PCDH9: variants seen among roughly 807,000 people sequenced by gnomAD.
PCDH9 encodes the protein protocadherin 9, also known as protocadherin-9.
Under a neutral mutation model 70.6 loss-of-function variants are expected in PCDH9, and 24 were observed. The ratio of observed to expected loss-of-function variants is 0.34; its 90% CI spans 0.25 to 0.48. The LOEUF (loss-of-function observed/expected upper bound fraction) is 0.48. PCDH9 is among the 20% of genes least tolerant of loss of function. The pLI is 0.99. For synonymous variants in PCDH9, 562 were observed against 558.5 expected (o/e 1.01, Z -0.09); for missense variants, 1,281 against 1,503.6 (o/e 0.85, Z 2.45).
At position 67,216,477 on chromosome 13, in the gene PCDH9, T is replaced by C. The variant is rs2089604320; in HGVS notation, c.3036+8928A>G. On this transcript the variant is annotated intron_variant, in intron 2 of 4. Coordinates refer to ENST00000377865, the MANE Select transcript of PCDH9 (RefSeq NM_203487.3). ...GAAATTTGAATGGGTTGAGAATGCA[T>C]TGAAATATTATTACTCTATATACCT... 4 of 151,796 alleles carry C rather than the reference T, an allele frequency of 2.6e-5. No individual in the cohort carries two copies. The South Asian group carries it at 6.2e-4, about 24-fold the overall frequency. 9.4% of individuals were successfully genotyped at this position (151,796 alleles called of 1,614,324 possible).
intron 2 of PCDH9, among the ~76,000 whole-genome samples, chr13:66,904,466 T>C (rs1306333998): frequency 1.3e-5 from 2 of 152,058 alleles, no homozygotes; most frequent in Non-Finnish European, 2.9e-5. Flanking sequence ...AACATAACTT[T>C]GTAGGTTTTA....
At chr13:67,166,296 T>C (rs1566468684) in intron 2 of PCDH9, among the ~76,000 whole-genome samples, 1 of 152,214 alleles carries the variant, frequency 6.6e-6, no homozygotes, top group East Asian at 1.9e-4. Flanking sequence ...AAGTCTTTGC[T>C]GTTTTCTCAA....
intron 2 of PCDH9, among the ~76,000 whole-genome samples, chr13:67,147,590 C>T (rs1594576138): frequency 6.6e-6 from 1 of 152,080 alleles, no homozygotes; most frequent in Non-Finnish European, 1.5e-5. Flanking sequence ...GAAAAAGGTG[C>T]CCTATCCAGT....
chr13:66,372,451 A>T (rs1273490191), intron 4 of PCDH9, among the ~76,000 whole-genome samples: 2 of 151,832 alleles, frequency 1.3e-5, no homozygotes, highest in Non-Finnish European at 2.9e-5. Context: ...AAGATCAGAA[A>T]GTAAAAAGTG....
At chr13:67,006,203 G>C (rs2084351183) in intron 2 of PCDH9, among the ~76,000 whole-genome samples, 1 of 152,044 alleles carries the variant, frequency 6.6e-6, no homozygotes, top group Non-Finnish European at 1.5e-5. Context: ...CTCCAGCCTG[G>C]GCGACAGAGA....
intron 3 of PCDH9, among the ~76,000 whole-genome samples, chr13:66,824,698 G>GCA (rs1248563563): frequency 1.5e-5 from 1 of 65,378 alleles, no homozygotes; most frequent in Non-Finnish European, 3.0e-5. Context: ...ATATATATAT[G>GCA]CACACACACA....
chr13:66,525,064 A>G (rs1282091410), intron 4 of PCDH9, among the ~76,000 whole-genome samples: 1 of 152,056 alleles, frequency 6.6e-6, no homozygotes, highest in Non-Finnish European at 1.5e-5. Flanking sequence ...GGTTGGTGTC[A>G]CTATTAATTT....
chr13:67,126,202 C>T (rs2086976500), intron 2 of PCDH9, among the ~76,000 whole-genome samples: 1 of 152,142 alleles, frequency 6.6e-6, no homozygotes, highest in African/African-American at 2.4e-5. Context: ...GAAGCTATTT[C>T]ATTTTAATTT....
intron 4 of PCDH9, among the ~76,000 whole-genome samples, chr13:66,553,128 G>A (rs574769370): frequency 2.0e-5 from 3 of 152,194 alleles, no homozygotes; most frequent in South Asian, 2.1e-4. Flanking sequence ...TTTGGGTGGC[G>A]ACATAGCCAA....
At chr13:67,010,270 C>T (rs554371639) in intron 2 of PCDH9, among the ~76,000 whole-genome samples, 1 of 151,894 alleles carries the variant, frequency 6.6e-6, no homozygotes, top group African/African-American at 2.4e-5. Context: ...TAGTATAGAA[C>T]ACGGATTCAA....
chr13:66,874,380 T>C (rs74574382), intron 3 of PCDH9, among the ~76,000 whole-genome samples: 2,006 of 152,306 alleles, frequency 0.013, 50 homozygotes, highest in African/African-American at 0.046. Context: ...ATTTTTTGTC[T>C]TTTTTATTGT....
intron 4 of PCDH9, among the ~76,000 whole-genome samples, chr13:66,481,355 C>G (rs1958833289): frequency 6.6e-6 from 1 of 151,124 alleles, no homozygotes; most frequent in African/African-American, 2.4e-5. Context: ...GCACTCATCA[C>G]CCTGATGAGT....
At chr13:67,187,479 A>T (rs1045934064) in intron 2 of PCDH9, among the ~76,000 whole-genome samples, 2 of 152,180 alleles carry the variant, frequency 1.3e-5, no homozygotes, top group African/African-American at 4.8e-5. Flanking sequence ...ACCTTCTAAC[A>T]TCTTTAAATG....
At chr13:66,720,386 C>T (rs2078927138) in intron 3 of PCDH9, among the ~76,000 whole-genome samples, 1 of 147,806 alleles carries the variant, frequency 6.8e-6, no homozygotes, top group African/African-American at 2.5e-5. Context: ...TGGTCTCAAA[C>T]TCCTGACCTC....
chr13:66,758,616 T>C (rs1267517450), intron 3 of PCDH9, among the ~76,000 whole-genome samples: 1 of 152,010 alleles, frequency 6.6e-6, no homozygotes, highest in Non-Finnish European at 1.5e-5. Flanking sequence ...GTTTTAATAT[T>C]AGAGTAACGC....
At position 66,526,513 on chromosome 13, in the gene PCDH9, CT is replaced by C. The variant is rs1593622860; in HGVS notation, c.3340+104696del. Among the ~76,000 whole-genome samples the C allele has an allele frequency of 4.6e-5, 4 of 87,654 alleles. No individual in the cohort carries two copies. In the East Asian group the frequency reaches 1.3e-3, roughly 29 times the overall value. The allele number at this position is 87,654 out of a possible 152,430, so 57.5% of individuals were successfully genotyped here. ...ACTTATACAATGCTTTGAAATCTCT[CT>C]CTCTCTCTCTCTCTCTCTGTCTCTG... On this transcript the variant is annotated intron_variant, in intron 4 of 4. Coordinates refer to ENST00000377865, the MANE Select transcript of PCDH9 (RefSeq NM_203487.3).
At chr13:66,772,097 A>G (rs2079817590) in intron 3 of PCDH9, among the ~76,000 whole-genome samples, 1 of 152,222 alleles carries the variant, frequency 6.6e-6, no homozygotes, top group Admixed American at 6.5e-5. Flanking sequence ...TGGCATAAGG[A>G]ATTTGGAAAA....
chr13:67,211,142 A>G (rs898296163), intron 2 of PCDH9: 2 of 152,136 alleles, frequency 1.3e-5, no homozygotes, highest in South Asian at 2.1e-4. Context: ...TATCAACCCA[A>G]TAATAATTTC....
intron 4 of PCDH9, among the ~76,000 whole-genome samples, chr13:66,569,792 T>C (rs965317171): frequency 2.0e-5 from 3 of 152,158 alleles, no homozygotes; most frequent in Non-Finnish European, 4.4e-5. Flanking sequence ...GAAGACAGGC[T>C]GGATCACTCA....
Sources: gnomAD v4.1 joint callset for allele counts (sites outside exome capture counted in the v4.1 genomes callset) on GRCh38, gnomAD v4.1.1 for gene constraint, MANE v1.5 for transcripts, NCBI Gene and HGNC (gene_info 2026-07-23, HGNC 2026-07-21) for gene names.